Variants in GALNT5 observed in about 807,000 individuals in gnomAD.
GALNT5 encodes polypeptide N-acetylgalactosaminyltransferase 5.
In GALNT5, 72 loss-of-function variants were observed where a neutral mutation model predicts 85.4. That is an observed-to-expected ratio of 0.84 (90% CI 0.70 to 1.03). GALNT5 has a LOEUF of 1.03. GALNT5 is among the 50% of genes least tolerant of loss of function. GALNT5 has a pLI of 0.00. For synonymous variants in GALNT5, 404 were observed against 397.0 expected, an observed-to-expected ratio of 1.02 and a Z score of -0.21; for missense variants, 1,137 against 1,135.5, an observed-to-expected ratio of 1.00 and a Z score of -0.02.
At chr2:157,285,252 T>C (rs1682944843) in intron 2 of GALNT5, among the ~76,000 whole-genome samples, 1 of 152,174 alleles carries the variant, frequency 6.6e-6, no homozygotes, top group Non-Finnish European at 1.5e-5. Context: ...AGAGAAAAAC[T>C]GGCTGAAAAA....
chr2:157,297,163 T>C (rs4302181), intron 5 of GALNT5, among the ~76,000 whole-genome samples: 1 of 152,180 alleles, frequency 6.6e-6, no homozygotes, highest in Non-Finnish European at 1.5e-5. Context: ...TTCCCTGTTG[T>C]AGTGACCACT....
rs529683014 is a variant in GALNT5 at position 157,265,308 on chromosome 2, C to G, written c.1454+5772C>G. Among the ~76,000 whole-genome samples, 10 of 152,240 alleles carry G rather than the reference C, an allele frequency of 6.6e-5. No individual in the cohort carries two copies. In the South Asian group the frequency reaches 1.9e-3, roughly 28 times the overall value. ...GGACAATGAACTGGGCCTTTGAATACTTTTATTTATCCCACTCTCCTTATA... is the reference window on the plus strand; with the variant it reads ...GGACAATGAACTGGGCCTTTGAATAGTTTTATTTATCCCACTCTCCTTATA... On this transcript the variant is annotated intron_variant, in intron 1 of 9. Coordinates refer to ENST00000259056, the MANE Select transcript of GALNT5 (RefSeq NM_014568.3).
intron 8 of GALNT5, among the ~76,000 whole-genome samples, chr2:157,308,275 T>A (rs1357242700): frequency 6.6e-6 from 1 of 152,246 alleles, no homozygotes; most frequent in Non-Finnish European, 1.5e-5. Context: ...TTTATTATTG[T>A]AACTAACATT....
chr2:157,306,154 A>G (rs1339196892), intron 8 of GALNT5, among the ~76,000 whole-genome samples: 2 of 152,236 alleles, frequency 1.3e-5, no homozygotes, highest in Admixed American at 6.5e-5. Context: ...GGCTGGAGTT[A>G]GGTAATACAT....
rs756754091 is a variant in GALNT5, at chr2:157,259,343, C to T, written c.1261C>T (p.His421Tyr). 6.4e-7 allele frequency: 1 copy of T among 1,550,798 alleles called. No individual in the cohort carries two copies. The highest frequency in any genetic ancestry group is 1.3e-5 in the South Asian group (1 of 79,034). The change falls in exon 1 of 10, where the codon CAC becomes TAC. Residue 421 changes from histidine to tyrosine, a missense_variant. Physicochemically the swap from His to Tyr is moderately conservative, Grantham distance 83. Transcript: ENST00000259056. ...CCTTTTACCTGAAGACAGTGGAACG[C>T]ACCAGGTGTTAAGAATTGATGTGAC... ...KALLPEDSGTHQVLRIDVTLS... is the reference protein window; with the variant it reads ...KALLPEDSGTYQVLRIDVTLS...
In GALNT5 at chr2:157,274,907, T is replaced by G. The variant is rs185021122; in HGVS notation, c.1455-9375T>G. Among the ~76,000 whole-genome samples the G allele has an allele frequency of 7.5e-4, 115 of 152,352 alleles. 1 individual carries two copies. Among genetic ancestry groups the G allele is most frequent in the African/African-American group, 2.7e-3 (112 of 41,586 alleles). On this transcript the variant is annotated intron_variant, in intron 1 of 9. Transcript: ENST00000259056. ...GTTTTAGTCATTAAGTCCTTGCCCA[T>G]GCCTATGTCCTGAATGGTATTGCCT...
Position 157,257,707 on chromosome 2 carries a change from T to A in GALNT5, c.-376T>A, listed in dbSNP as rs1682217319. ...GGGAGGAGAGAAACGGCAGTCTCAATCTGGCCCCCACCTTTTCTTGGGCTT... is the reference window on the plus strand; with the variant it reads ...GGGAGGAGAGAAACGGCAGTCTCAAACTGGCCCCCACCTTTTCTTGGGCTT... On this transcript the variant is annotated 5_prime_UTR_variant, in exon 1 of 10. Coordinates refer to ENST00000259056, the MANE Select transcript of GALNT5 (RefSeq NM_014568.3). 1 of 218,436 alleles carries A rather than the reference T, an allele frequency of 4.6e-6. No individual in the cohort carries two copies. Among genetic ancestry groups the A allele is most frequent in the Non-Finnish European group, 9.1e-6 (1 of 109,532 alleles). 13.5% of individuals were successfully genotyped at this position (218,436 alleles called of 1,614,324 possible). A position where few individuals can be genotyped will look rare whatever the true frequency, so the allele number is the denominator to read the frequency against.
chr2:157,276,489 C>T (rs1422568313), intron 1 of GALNT5, among the ~76,000 whole-genome samples: 1 of 152,142 alleles, frequency 6.6e-6, no homozygotes, highest in Non-Finnish European at 1.5e-5. Context: ...TTAATTATTG[C>T]CTCAATTTCA....
chr2:157,276,282 C>A (rs565360728), intron 1 of GALNT5, among the ~76,000 whole-genome samples: 1 of 152,092 alleles, frequency 6.6e-6, no homozygotes, highest in South Asian at 2.1e-4. Context: ...CTAAAATTCT[C>A]TTTTTTTGTT....
At chr2:157,263,714 T>A (rs986366136) in intron 1 of GALNT5, among the ~76,000 whole-genome samples, 1 of 152,214 alleles carries the variant, frequency 6.6e-6, no homozygotes, top group African/African-American at 2.4e-5. Flanking sequence ...TTTTTGAAAA[T>A]TGATACTACT....
chr2:157,299,246 G>C (rs1208123136), intron 5 of GALNT5: 2 of 212,782 alleles, frequency 9.4e-6, no homozygotes, highest in African/African-American at 4.6e-5. Flanking sequence ...AATAGTGCCT[G>C]ATACTCCCTT....
chr2:157,268,299 A>C (rs1244561856), intron 1 of GALNT5, among the ~76,000 whole-genome samples: 1 of 152,224 alleles, frequency 6.6e-6, no homozygotes, highest in Non-Finnish European at 1.5e-5. Flanking sequence ...AGCATTCAGC[A>C]CACAGAAGCC....
intron 7 of GALNT5, among the ~76,000 whole-genome samples, chr2:157,301,221 G>A (rs571615603): frequency 2.6e-5 from 4 of 152,316 alleles, no homozygotes; most frequent in Admixed American, 6.5e-5. Flanking sequence ...TTGAGTATCC[G>A]TAGATCTGGG....
intron 3 of GALNT5, among the ~76,000 whole-genome samples, chr2:157,286,893 A>AGTGTGTGTGTGTGTGTGT (rs3072178): frequency 9.6e-5 from 13 of 135,892 alleles, no homozygotes; most frequent in African/African-American, 3.6e-4. Context: ...TTTAAATACC[A>AGTGTGTGTGTGTGTGTGT]GTGTGTGTGT....
chr2:157,302,943 A>C (rs1303633298), intron 7 of GALNT5, among the ~76,000 whole-genome samples: 1 of 152,244 alleles, frequency 6.6e-6, no homozygotes, highest in Non-Finnish European at 1.5e-5. Context: ...CATTTTTAAA[A>C]AATTAGGACC....
rs1491355025 is a variant in GALNT5 at position 157,317,167 on chromosome 2, T to TG, written c.*5820dup. Among the ~76,000 whole-genome samples the TG allele has an allele frequency of 7.3e-6, 1 of 136,282 alleles. No homozygotes were observed. Among genetic ancestry groups the TG allele is most frequent in the East Asian group, 2.0e-4 (1 of 5,002 alleles). The allele number at this position is 136,282 out of a possible 152,430, so 89.4% of individuals were successfully genotyped here. On this transcript the variant is annotated 3_prime_UTR_variant, in exon 10 of 10. Coordinates refer to ENST00000259056, the MANE Select transcript of GALNT5 (RefSeq NM_014568.3). ...TAGCAATTTTTGTAAATATACTGTA[T>TG]GTGTGTGTATATATATATATATATA... is the stretch of plus-strand genomic sequence containing the variant.
chr2:157,306,563 G>T (rs970600897), intron 8 of GALNT5, among the ~76,000 whole-genome samples: 1 of 152,160 alleles, frequency 6.6e-6, no homozygotes. Flanking sequence ...CTGTGTTTGT[G>T]GAAACAGTTA....
At chr2:157,305,696 C>T in intron 7 of GALNT5, 53 bp from the exon 8 acceptor site, 1 of 1,001,444 alleles carries the variant, frequency 1.0e-6, no homozygotes, top group Non-Finnish European at 1.6e-6. Flanking sequence ...GTCTGAATGT[C>T]TTGTTTTACT....
At chr2:157,292,849 G>C (rs1394325051) in intron 3 of GALNT5, among the ~76,000 whole-genome samples, 1 of 151,972 alleles carries the variant, frequency 6.6e-6, no homozygotes, top group Non-Finnish European at 1.5e-5. Context: ...GGGGCTACAG[G>C]CACACACACA....
Sources: allele counts gnomAD v4.1 joint callset (sites outside exome capture counted in the v4.1 genomes callset), GRCh38; gene constraint gnomAD v4.1.1; transcripts MANE v1.5; gene names NCBI Gene and HGNC (gene_info 2026-07-23, HGNC 2026-07-21).